The following PLEKHH2 variants were observed in gnomAD, a reference collection of about 807,000 sequenced individuals.
PLEKHH2 encodes pleckstrin homology domain-containing family H member 2.
A neutral mutation model predicts 187.9 loss-of-function variants in PLEKHH2; 129 were observed. The ratio of observed to expected loss-of-function variants is 0.69; its 90% CI spans 0.59 to 0.79. The LOEUF is 0.79. PLEKHH2 is among the 30% of genes least tolerant of loss of function. The pLI is 0.00. For synonymous variants in PLEKHH2, 686 were observed against 605.6 expected (o/e 1.13, Z -1.95); for missense variants, 2,076 against 1,751.2 (o/e 1.19, Z -3.31).
At chr2:43,699,327 A>G (rs377173948) in intron 7 of PLEKHH2, among the ~76,000 whole-genome samples, 6 of 152,314 alleles carry the variant, frequency 3.9e-5, no homozygotes, top group African/African-American at 1.4e-4. Context: ...TTTAAAAAAG[A>G]CATAAGACTA....
At chr2:43,719,798 T>C (rs1031030834) in intron 15 of PLEKHH2, among the ~76,000 whole-genome samples, 2 of 152,230 alleles carry the variant, frequency 1.3e-5, no homozygotes, top group South Asian at 4.1e-4. Flanking sequence ...CTATTGGAAA[T>C]CTGTGAAATG....
chr2:43,743,816 T>A lies in PLEKHH2; in HGVS notation c.3400-18T>A. ...ATATATTTCTTATTAAGAGAACTGC[T>A]TTGTTATTTCTGTCTAGGTAGTTGG... is the stretch of plus-strand genomic sequence containing the variant. On this transcript the variant is annotated intron_variant, in intron 22 of 29. Coordinates refer to ENST00000282406, the MANE Select transcript of PLEKHH2 (RefSeq NM_172069.4). 6.2e-7 allele frequency: 1 copy of A among 1,603,060 alleles called. No homozygotes were observed. The highest frequency in any genetic ancestry group is 1.7e-5 in the Admixed American group (1 of 59,702).
Position 43,757,279 on chromosome 2 carries a change from G to C in PLEKHH2, c.3941+15G>C, listed in dbSNP as rs763167826. ...GAGCAGTTAAGGTAAGGAAATCTTT[G>C]TAACTCTTTATAGGGTAGGGTCATA... On this transcript the variant is annotated intron_variant, in intron 26 of 29. Transcript: ENST00000282406. 6.5e-7 allele frequency: 1 copy of C among 1,534,558 alleles called. No homozygotes were observed. The highest frequency in any genetic ancestry group is 8.7e-7 in the Non-Finnish European group (1 of 1,146,746).
chr2:43,761,803 G>A (rs948302224), intron 27 of PLEKHH2, among the ~76,000 whole-genome samples: 4 of 152,032 alleles, frequency 2.6e-5, no homozygotes, highest in African/African-American at 7.2e-5. Context: ...TTGTTATTGT[G>A]TTTTTATTAC....
intron 8 of PLEKHH2, among the ~76,000 whole-genome samples, chr2:43,701,950 G>A (rs1423386429): frequency 6.6e-6 from 1 of 152,060 alleles, no homozygotes; most frequent in Non-Finnish European, 1.5e-5. Context: ...TGTATTTTTA[G>A]TAGAGGTGGG....
At chr2:43,686,638 T>C (rs972133586) in intron 3 of PLEKHH2, among the ~76,000 whole-genome samples, 9 of 152,240 alleles carry the variant, frequency 5.9e-5, no homozygotes, top group Admixed American at 5.2e-4. Flanking sequence ...TTAATGATCT[T>C]GCTTTTCAAC....
At chr2:43,755,473 T>C (rs1672180196) in intron 25 of PLEKHH2, among the ~76,000 whole-genome samples, 1 of 152,226 alleles carries the variant, frequency 6.6e-6, no homozygotes, top group South Asian at 2.1e-4. Context: ...TGCCTTTCTC[T>C]GGTCTGGTCC....
intron 3 of PLEKHH2, among the ~76,000 whole-genome samples, chr2:43,685,718 C>T (rs930027149): frequency 2.0e-5 from 3 of 151,900 alleles, no homozygotes; most frequent in Non-Finnish European, 4.4e-5. Context: ...CTGGGATTAC[C>T]GGCATGAGCC....
chr2:43,667,436 A>G (rs1028067931), intron 2 of PLEKHH2, among the ~76,000 whole-genome samples: 1 of 152,230 alleles, frequency 6.6e-6, no homozygotes, highest in Non-Finnish European at 1.5e-5. Context: ...TCTACTCCTA[A>G]ATAGATACCT....
intron 19 of PLEKHH2, among the ~76,000 whole-genome samples, chr2:43,732,499 C>T (rs1243603716): frequency 3.3e-5 from 5 of 152,192 alleles, no homozygotes; most frequent in Non-Finnish European, 7.3e-5. Flanking sequence ...CAGTAAGCTT[C>T]ACCTCTGGCC....
At chr2:43,733,557 A>G (rs2104577155) in intron 19 of PLEKHH2, among the ~76,000 whole-genome samples, 1 of 152,104 alleles carries the variant, frequency 6.6e-6, no homozygotes, top group African/African-American at 2.4e-5. Flanking sequence ...AGTTTCTCCC[A>G]TCTCAAAAAA....
At chr2:43,714,073 A>C (rs1670097719) in intron 15 of PLEKHH2, among the ~76,000 whole-genome samples, 2 of 152,212 alleles carry the variant, frequency 1.3e-5, no homozygotes, top group African/African-American at 4.8e-5. Flanking sequence ...ACACACTGCT[A>C]CTTTAAATCA....
intron 25 of PLEKHH2, among the ~76,000 whole-genome samples, chr2:43,754,868 A>C (rs1444976818): frequency 1.9e-5 from 2 of 103,724 alleles, no homozygotes; most frequent in Non-Finnish European, 3.6e-5. Context: ...CTTAAAATCA[A>C]CTTTTTTTTT....
At chr2:43,713,973 T>A (rs1670090604) in intron 15 of PLEKHH2, among the ~76,000 whole-genome samples, 1 of 152,192 alleles carries the variant, frequency 6.6e-6, no homozygotes, top group Non-Finnish European at 1.5e-5. Flanking sequence ...TACTATGTAC[T>A]ATGTTTTTTC....
intron 2 of PLEKHH2, 52 bp from the exon 3 acceptor site, chr2:43,678,811 G>A: frequency 7.3e-7 from 1 of 1,374,564 alleles, no homozygotes; most frequent in African/African-American, 1.4e-5. Context: ...TTTCAGAAAG[G>A]CTCATTTTTC....
chr2:43,685,567 G>T (rs954159007), intron 3 of PLEKHH2, among the ~76,000 whole-genome samples: 1 of 151,060 alleles, frequency 6.6e-6, no homozygotes. Context: ...AGCTAGGGCT[G>T]CAGGCATGTG....
At chr2:43,644,575 T>C in intron 1 of PLEKHH2, 96 bp from the exon 2 acceptor site, 1 of 998,884 alleles carries the variant, frequency 1.0e-6, no homozygotes, top group Non-Finnish European at 1.4e-6. Context: ...AATGTGTACA[T>C]TGGGTAATTT....
chr2:43,671,689 T>G (rs1313402444), intron 2 of PLEKHH2, among the ~76,000 whole-genome samples: 1 of 152,232 alleles, frequency 6.6e-6, no homozygotes, highest in Non-Finnish European at 1.5e-5. Context: ...TTTTGTCAGA[T>G]GATTTTTCTT....
At chr2:43,696,962 A>T (rs371688190) in intron 6 of PLEKHH2, among the ~76,000 whole-genome samples, 1 of 152,206 alleles carries the variant, frequency 6.6e-6, no homozygotes, top group Non-Finnish European at 1.5e-5. Context: ...AATATTTTGA[A>T]CATTCAAAAT....
Sources: allele counts gnomAD v4.1 joint callset (sites outside exome capture counted in the v4.1 genomes callset), GRCh38; gene constraint gnomAD v4.1.1; transcripts MANE v1.5; gene names NCBI Gene and HGNC (gene_info 2026-07-23, HGNC 2026-07-21).